The following ZNF280D variants were observed in gnomAD, a reference collection of about 807,000 sequenced individuals.
The protein encoded by ZNF280D is suppressor of hairy wing homolog 4.
In ZNF280D, 39 loss-of-function variants were observed where a neutral mutation model predicts 94.7. The observed-to-expected ratio is 0.41, with a 90% confidence interval of 0.32 to 0.54. ZNF280D has a LOEUF of 0.54. Among genes scored for constraint, ZNF280D ranks in the 20% least tolerant of loss-of-function variants. The pLI is 0.22. For missense variants in ZNF280D, 1,090 were observed against 1,149.3 expected, an observed-to-expected ratio of 0.95 and a Z score of 0.75; for synonymous variants, 398 against 377.6, an observed-to-expected ratio of 1.05 and a Z score of -0.63.
intron 16 of ZNF280D, among the ~76,000 whole-genome samples, chr15:56,658,715 G>C (rs1229272850): frequency 6.6e-6 from 1 of 151,940 alleles, no homozygotes; most frequent in Non-Finnish European, 1.5e-5. Context: ...TAGATGGTTA[G>C]CACTGTACCT....
intron 1 of ZNF280D, among the ~76,000 whole-genome samples, chr15:56,731,648 T>C (rs1252308189): frequency 3.3e-5 from 5 of 151,426 alleles, no homozygotes; most frequent in African/African-American, 1.2e-4. Context: ...CACAGAAAAA[T>C]GGCCTTGATC....
intron 13 of ZNF280D, among the ~76,000 whole-genome samples, chr15:56,673,722 A>C (rs761718052): frequency 6.6e-6 from 1 of 151,806 alleles, no homozygotes; most frequent in African/African-American, 2.4e-5. Context: ...CCTCCTATTA[A>C]TTTACTCTGC....
intron 19 of ZNF280D, among the ~76,000 whole-genome samples, chr15:56,651,499 G>T (rs1327308600): frequency 6.6e-6 from 1 of 151,944 alleles, no homozygotes; most frequent in Admixed American, 6.6e-5. Flanking sequence ...TACTGGGAAA[G>T]AACTTTAAGA....
intron 1 of ZNF280D, among the ~76,000 whole-genome samples, chr15:56,718,524 TAGAA>T (rs1365860573): frequency 6.6e-6 from 1 of 152,192 alleles, no homozygotes; most frequent in Non-Finnish European, 1.5e-5. Context: ...TATTAATACA[TAGAA>T]AGGCTATGCT....
At chr15:56,710,391 G>C (rs2057692905) in intron 1 of ZNF280D, among the ~76,000 whole-genome samples, 1 of 151,436 alleles carries the variant, frequency 6.6e-6, no homozygotes, top group South Asian at 2.1e-4. Context: ...CTGGGCAAGA[G>C]AGCAAGACTC....
In ZNF280D at chr15:56,666,913, G is replaced by A. The variant is rs1294699387; in HGVS notation, c.1619C>T (p.Ser540Phe). The change falls in exon 15 of 22, where the codon TCT becomes TTT. Residue 540 changes from serine (S) to phenylalanine (F), a missense_variant. Ser to Phe is a radical substitution (Grantham distance 155). Coordinates refer to ENST00000267807, the MANE Select transcript of ZNF280D (RefSeq NM_017661.4). ...CCTTGGAGGTGAGAGCTGAAGGGTA[G>A]AAGCACTTGCACTAATGGAAGGTGT... is the stretch of plus-strand genomic sequence containing the variant. ...SPTPSISASASTLQLSPPRTK... is the reference protein window; with the variant it reads ...SPTPSISASAFTLQLSPPRTK... 6.2e-7 allele frequency: 1 copy of A among 1,613,600 alleles called. No individual in the cohort carries two copies. Among genetic ancestry groups the A allele is most frequent in the Non-Finnish European group, 8.5e-7 (1 of 1,179,764 alleles).
intron 13 of ZNF280D, among the ~76,000 whole-genome samples, chr15:56,669,389 C>A (rs1485084122): frequency 1.3e-5 from 2 of 151,752 alleles, no homozygotes; most frequent in Non-Finnish European, 2.9e-5. Context: ...TAAATCTAAC[C>A]AGACATTTCA....
chr15:56,707,386 G>C (rs1326850967), intron 1 of ZNF280D, 80 bp from the exon 2 acceptor site: 2 of 1,270,322 alleles, frequency 1.6e-6, no homozygotes, highest in East Asian at 6.4e-5. Flanking sequence ...CTCCTATACA[G>C]AGGTCAATTA....
At chr15:56,685,461 G>A (rs1307188881) in intron 9 of ZNF280D, among the ~76,000 whole-genome samples, 3 of 152,152 alleles carry the variant, frequency 2.0e-5, no homozygotes, top group Non-Finnish European at 4.4e-5. Context: ...AGAGTACAAG[G>A]TGAAGAGTTC....
intron 21 of ZNF280D, among the ~76,000 whole-genome samples, chr15:56,632,676 C>G (rs1273670834): frequency 5.3e-5 from 8 of 151,068 alleles, no homozygotes; most frequent in Non-Finnish European, 1.0e-4. Flanking sequence ...TTTTATATTT[C>G]ATAGAGACAA....
intron 9 of ZNF280D, among the ~76,000 whole-genome samples, chr15:56,685,760 T>C (rs1004534281): frequency 3.3e-5 from 5 of 152,146 alleles, no homozygotes; most frequent in Admixed American, 2.6e-4. Flanking sequence ...TACAACTCTC[T>C]TAGAAACCTA....
At chr15:56,652,966 T>G (rs899325324) in intron 19 of ZNF280D, 6 of 914,110 alleles carry the variant, frequency 6.6e-6, no homozygotes, top group Non-Finnish European at 7.8e-6. Context: ...ATAGACATCA[T>G]AAAATAGACA....
chr15:56,673,799 A>G (rs773316309), intron 13 of ZNF280D, among the ~76,000 whole-genome samples: 1 of 151,964 alleles, frequency 6.6e-6, no homozygotes, highest in Non-Finnish European at 1.5e-5. Context: ...CACTGCCTAT[A>G]TAATGTCACC....
chr15:56,723,840 T>A (rs553258349), intron 1 of ZNF280D, among the ~76,000 whole-genome samples: 1 of 125,790 alleles, frequency 7.9e-6, no homozygotes, highest in Non-Finnish European at 1.9e-5. Context: ...AAACCCATCA[T>A]TAGCTGAAAA....
chr15:56,670,039 C>T, intron 13 of ZNF280D, among the ~76,000 whole-genome samples: 1 of 13,466 alleles, frequency 7.4e-5, no homozygotes, highest in Non-Finnish European at 1.5e-4. Flanking sequence ...TTAGAGAAAC[C>T]ACTCTTTTGT....
intron 19 of ZNF280D, among the ~76,000 whole-genome samples, chr15:56,646,079 G>C (rs545469785): frequency 6.6e-5 from 10 of 152,244 alleles, no homozygotes; most frequent in African/African-American, 2.4e-4. Flanking sequence ...TACTAAAAAA[G>C]TTGAAAAGAG....
At chr15:56,727,559 T>A (rs964865538) in intron 1 of ZNF280D, among the ~76,000 whole-genome samples, 4 of 152,224 alleles carry the variant, frequency 2.6e-5, no homozygotes, top group African/African-American at 2.4e-5. Flanking sequence ...TGACTCTCAA[T>A]TGCCTTCAAC....
At chr15:56,684,725 AAAAAATTAAGGATTAG>A (rs2055879659) in intron 9 of ZNF280D, among the ~76,000 whole-genome samples, 1 of 152,154 alleles carries the variant, frequency 6.6e-6, no homozygotes, top group Non-Finnish European at 1.5e-5. Context: ...AGTCCATTTA[AAAAAATTAAGGATTAG>A]AAAAAAAAAG....
At chr15:56,667,650 T>C (rs1373336328) in intron 14 of ZNF280D, among the ~76,000 whole-genome samples, 1 of 152,192 alleles carries the variant, frequency 6.6e-6, no homozygotes, top group Non-Finnish European at 1.5e-5. Flanking sequence ...GGTTAATCAT[T>C]TGACTATACC....
Sources: gnomAD v4.1 joint callset for allele counts (sites outside exome capture counted in the v4.1 genomes callset) on GRCh38, gnomAD v4.1.1 for gene constraint, MANE v1.5 for transcripts, NCBI Gene and HGNC (gene_info 2026-07-23, HGNC 2026-07-21) for gene names.